Variants in PTK2 observed in about 807,000 individuals in gnomAD.
The protein encoded by PTK2 is protein tyrosine kinase 2.
Under a neutral mutation model 150.1 loss-of-function variants are expected in PTK2, and 45 were observed. The observed-to-expected ratio is 0.30, with a 90% CI of 0.24 to 0.38. PTK2 has a LOEUF of 0.38. PTK2 is among the 10% of genes least tolerant of loss of function. PTK2 has a pLI of 1.00. For missense variants in PTK2, 919 were observed against 1,307.3 expected, an observed-to-expected ratio of 0.70 and a Z score of 4.58; for synonymous variants, 432 against 449.2, an observed-to-expected ratio of 0.96 and a Z score of 0.48.
intron 14 of PTK2, chr8:140,771,140 C>T (rs1372573280): frequency 1.9e-5 from 3 of 155,538 alleles, no homozygotes; most frequent in Non-Finnish European, 4.3e-5. Flanking sequence ...TAATTCAAGA[C>T]TCTTGTGAAC....
At chr8:140,953,395 T>C (rs1374182357) in intron 1 of PTK2, among the ~76,000 whole-genome samples, 1 of 152,100 alleles carries the variant, frequency 6.6e-6, no homozygotes, top group Non-Finnish European at 1.5e-5. Context: ...CATGATGAAA[T>C]AAACTAAGGG....
chr8:140,797,727 A>C (rs1031539254), intron 12 of PTK2, among the ~76,000 whole-genome samples: 1 of 152,196 alleles, frequency 6.6e-6, no homozygotes, highest in African/African-American at 2.4e-5. Context: ...GAAAGGGCCA[A>C]GGTTATGCAG....
chr8:140,677,535 C>T (rs1392400111), intron 27 of PTK2, among the ~76,000 whole-genome samples: 2 of 152,192 alleles, frequency 1.3e-5, no homozygotes, highest in African/African-American at 4.8e-5. Context: ...ACTTTTCTTG[C>T]TTACTTTAAA....
Position 140,697,134 on chromosome 8 carries a change from C to A in PTK2, c.2499+3757G>T, listed in dbSNP as rs1181445444. ...GGGTGACAGTGTGAGACCCTGTTTCCGGGAAAAAAAAAAAAAAAAAAAAAA... is the reference window on the plus strand; with the variant it reads ...GGGTGACAGTGTGAGACCCTGTTTCAGGGAAAAAAAAAAAAAAAAAAAAAA... On this transcript the variant is annotated intron_variant, in intron 26 of 31. Transcript: ENST00000522684. Among the ~76,000 whole-genome samples the A allele has an allele frequency of 8.0e-4, 60 of 75,090 alleles. 1 individual carries two copies. Among genetic ancestry groups the A allele is most frequent in the Non-Finnish European group, 1.4e-4 (6 of 42,060 alleles). The allele number at this position is 75,090 out of a possible 152,430, so 49.3% of individuals were successfully genotyped here.
chr8:140,896,600 G>A (rs934784207), intron 2 of PTK2, among the ~76,000 whole-genome samples: 1 of 152,094 alleles, frequency 6.6e-6, no homozygotes, highest in Non-Finnish European at 1.5e-5. Context: ...CAGCAAACTA[G>A]AAATAGGATG....
intron 19 of PTK2, 148 bp from the exon 23 acceptor site, chr8:140,743,478 T>C (rs1311225883): frequency 6.0e-6 from 3 of 496,424 alleles, no homozygotes; most frequent in South Asian, 3.9e-5. Flanking sequence ...AGGATATATA[T>C]AATAAATCTC....
intron 1 of PTK2, among the ~76,000 whole-genome samples, chr8:140,926,661 C>T (rs2100169584): frequency 6.6e-6 from 1 of 152,116 alleles, no homozygotes; most frequent in South Asian, 2.1e-4. Context: ...TGGTACTTGA[C>T]AGATGTATCA....
At chr8:140,898,365 C>A (rs1172724994) in intron 2 of PTK2, among the ~76,000 whole-genome samples, 1 of 152,172 alleles carries the variant, frequency 6.6e-6, no homozygotes, top group Non-Finnish European at 1.5e-5. Context: ...CCTGGCTCAG[C>A]CAGGCTGCCC....
intron 12 of PTK2, among the ~76,000 whole-genome samples, chr8:140,795,392 G>C (rs1207382196): frequency 6.6e-6 from 1 of 152,040 alleles, no homozygotes; most frequent in Non-Finnish European, 1.5e-5. Context: ...GCTGTTCCAG[G>C]CATGCTTCCT....
intron 1 of PTK2, among the ~76,000 whole-genome samples, chr8:140,951,292 C>A (rs923158095): frequency 6.6e-6 from 1 of 152,170 alleles, no homozygotes. Context: ...GACCAAGAAC[C>A]AACTCCGCCA....
At chr8:140,861,561 T>C (rs931100756) in intron 5 of PTK2, among the ~76,000 whole-genome samples, 5 of 152,150 alleles carry the variant, frequency 3.3e-5, no homozygotes, top group Non-Finnish European at 5.9e-5. Flanking sequence ...TGTATGGTGA[T>C]ATGCAAATGG....
intron 8 of PTK2, chr8:140,821,327 A>C (rs2100108418): frequency 6.6e-6 from 1 of 152,308 alleles, no homozygotes; most frequent in Non-Finnish European, 1.5e-5. Context: ...ACTGTAACAG[A>C]TCAAGCAAGA....
intron 7 of PTK2, among the ~76,000 whole-genome samples, chr8:140,840,106 T>C (rs2100121409): frequency 6.6e-6 from 1 of 152,222 alleles, no homozygotes; most frequent in Non-Finnish European, 1.5e-5. Flanking sequence ...TTGCCCAGGC[T>C]GGAGTGCAGT....
chr8:140,798,381 A>G (rs1474573193), intron 12 of PTK2, among the ~76,000 whole-genome samples: 1 of 152,220 alleles, frequency 6.6e-6, no homozygotes. Flanking sequence ...ATGATTGAGA[A>G]TAAGAAAATT....
At chr8:140,860,278 A>G (rs760002274) in intron 5 of PTK2, among the ~76,000 whole-genome samples, 1 of 152,174 alleles carries the variant, frequency 6.6e-6, no homozygotes, top group Non-Finnish European at 1.5e-5. Flanking sequence ...GTATGCATAC[A>G]TGTGTAAATC....
At chr8:140,702,533 T>C (rs1323565214) in intron 25 of PTK2, 37 bp downstream of exon 28, 73 of 1,607,848 alleles carry the variant, frequency 4.5e-5, no homozygotes, top group Non-Finnish European at 6.2e-5. Context: ...CCATGCTTTA[T>C]AAGTTAACAA....
At chr8:140,697,004 C>T (rs1382315563) in intron 26 of PTK2, among the ~76,000 whole-genome samples, 1 of 151,708 alleles carries the variant, frequency 6.6e-6, no homozygotes, top group East Asian at 1.9e-4. Context: ...CGTGGTGGTG[C>T]GTGACTGTAG....
intron 4 of PTK2, among the ~76,000 whole-genome samples, chr8:140,867,904 C>T (rs192330646): frequency 1.1e-3 from 168 of 152,284 alleles, no homozygotes; most frequent in African/African-American, 3.9e-3. Context: ...TGCTCTTACA[C>T]GAAACTCGTC....
intron 14 of PTK2, among the ~76,000 whole-genome samples, chr8:140,774,110 C>T (rs1297606928): frequency 1.3e-5 from 2 of 152,214 alleles, no homozygotes; most frequent in African/African-American, 4.8e-5. Flanking sequence ...TCCCAGGAAG[C>T]CTTTGAAAAA....
Sources: allele counts gnomAD v4.1 joint callset (sites outside exome capture counted in the v4.1 genomes callset), GRCh38; gene constraint gnomAD v4.1.1; transcripts MANE v1.5; gene names NCBI Gene and HGNC (gene_info 2026-07-23, HGNC 2026-07-21).